Variants in NUP35 observed in about 807,000 individuals in gnomAD.
NUP35 encodes nucleoporin NUP35.
A neutral mutation model predicts 41.5 loss-of-function variants in NUP35; 25 were observed. That is an observed-to-expected ratio of 0.60 (90% confidence interval 0.44 to 0.84). The LOEUF (loss-of-function observed/expected upper bound fraction) is 0.84, where lower values mean the gene tolerates loss of function less well. Ranked by LOEUF, NUP35 falls within the 40% of genes least tolerant of loss-of-function variation. NUP35 has a pLI of 0.00. For synonymous variants in NUP35, 149 were observed against 130.7 expected, an observed-to-expected ratio of 1.14 and a Z score of -0.96; for missense variants, 396 against 396.6, an observed-to-expected ratio of 1.00 and a Z score of 0.01.
At chr2:183,138,269 A>ATATATATATATATATTTTTTT in intron 4 of NUP35, among the ~76,000 whole-genome samples, 1 of 80,690 alleles carries the variant, frequency 1.2e-5, no homozygotes, top group African/African-American at 6.2e-5. Flanking sequence ...ATATATATAT[A>ATATATATATATATATTTTTTT]TTTTTTTTTT....
intron 8 of NUP35, 114 bp downstream of exon 8, chr2:183,159,766 T>TA: frequency 1.3e-6 from 1 of 771,988 alleles, no homozygotes; most frequent in Non-Finnish European, 2.0e-6. Flanking sequence ...TGGAGGCTAT[T>TA]ACCTTGATGA....
Position 183,159,538 on chromosome 2 carries a change from C to G in NUP35, c.789C>G (p.Ala263=). The change falls in exon 8 of 9, where the codon GCC becomes GCG. Residue 263 remains alanine (A), a synonymous_variant. Coordinates refer to ENST00000295119, the MANE Select transcript of NUP35 (RefSeq NM_138285.5). ...DRCALSSPSL[A]FTPPIKTLGT... is the part of the protein sequence containing the mutation. The stretch of plus-strand genomic sequence containing the variant: ...GTGCTTTATCATCTCCATCTTTAGC[C>G]TTTACACCACCAATCAAAACTCTAG... 6.2e-7 allele frequency: 1 copy of G among 1,613,704 alleles called. No individual in the cohort carries two copies. The highest frequency in any genetic ancestry group is 8.5e-7 in the Non-Finnish European group (1 of 1,179,796).
intron 3 of NUP35, among the ~76,000 whole-genome samples, chr2:183,131,986 C>T (rs1282079296): frequency 3.3e-5 from 5 of 151,828 alleles, no homozygotes; most frequent in East Asian, 1.9e-4. Context: ...TTTGGGAGGC[C>T]GAGGTGGGCG....
At chr2:183,160,683 A>T (rs183021286) in intron 8 of NUP35, 75 of 153,814 alleles carry the variant, frequency 4.9e-4, no homozygotes, top group Non-Finnish European at 9.0e-4. Context: ...CCAGCTATTC[A>T]ATTTTCTAAT....
In NUP35 at chr2:183,158,363, G is replaced by T; in HGVS notation, c.690G>T (p.Arg230Ser). 6.2e-7 allele frequency: 1 copy of T among 1,608,954 alleles called. No homozygotes were observed. The change falls in exon 7 of 9, where the codon AGG (arginine) becomes AGT (serine). Residue 230 changes from arginine to serine, a missense_variant. By Grantham distance (110) the Arg-to-Ser change is moderately radical. Transcript: ENST00000295119. ...QARKALSKDG[R>S]IFGESIMIGV... The stretch of plus-strand genomic sequence containing the variant: ...GGAAAGCCTTAAGCAAAGATGGGAG[G>T]ATTTTTGGAGAATCCATCATGATTG...
In NUP35 at chr2:183,134,654, C is replaced by T. The variant is rs141659065; in HGVS notation, c.397+1031C>T. Among the ~76,000 whole-genome samples, 24 of 151,296 alleles carry T rather than the reference C, an allele frequency of 1.6e-4. No individual in the cohort carries two copies. In the East Asian group the frequency reaches 2.9e-3, roughly 18 times the overall value. On this transcript the variant is annotated intron_variant, in intron 4 of 8. Coordinates refer to ENST00000295119, the MANE Select transcript of NUP35 (RefSeq NM_138285.5). ...TTTTTGAGATGGAGTCTTGGTCTGT[C>T]GCCCAGGTTAGAGTGCAGTGGCACC...
chr2:183,125,518 CT>C (rs1684434097), intron 1 of NUP35, among the ~76,000 whole-genome samples: 1 of 152,186 alleles, frequency 6.6e-6, no homozygotes, highest in African/African-American at 2.4e-5. Flanking sequence ...ACTTGAACTA[CT>C]TTAGTCTGTC....
upstream of NUP35, among the ~76,000 whole-genome samples, chr2:183,122,702 C>T (rs1420933553): frequency 6.6e-6 from 1 of 151,990 alleles, no homozygotes; most frequent in African/African-American, 2.4e-5. Context: ...AAGTGATCAA[C>T]CCCTCAGCCT....
At chr2:183,117,586 A>C (rs565054203) in exon 1 of NUP35, 2 of 152,306 alleles carry the variant, frequency 1.3e-5, no homozygotes, top group East Asian at 3.9e-4. Context: ...TCTCTTTCTG[A>C]AGATGACAAA....
intron 4 of NUP35, among the ~76,000 whole-genome samples, chr2:183,143,610 C>T (rs916400157): frequency 6.6e-6 from 1 of 152,156 alleles, no homozygotes; most frequent in Non-Finnish European, 1.5e-5. Context: ...GGTTCCTTTT[C>T]TCCAGAGACA....
chr2:183,148,986 T>C (rs899404891), intron 4 of NUP35, among the ~76,000 whole-genome samples: 1 of 152,194 alleles, frequency 6.6e-6, no homozygotes, highest in African/African-American at 2.4e-5. Context: ...CTATAGATAA[T>C]CTTTTTTGTT....
At chr2:183,132,312 G>A (rs1363694637) in intron 3 of NUP35, among the ~76,000 whole-genome samples, 1 of 152,010 alleles carries the variant, frequency 6.6e-6, no homozygotes. Context: ...GTGACCCACT[G>A]TGCTGGGCTT....
At chr2:183,130,738 A>G (rs552018394) in intron 3 of NUP35, among the ~76,000 whole-genome samples, 193 bp downstream of exon 3, 1 of 147,328 alleles carries the variant, frequency 6.8e-6, no homozygotes, top group East Asian at 2.0e-4. Context: ...ACAGTGTAGA[A>G]CTCTAGATTT....
intron 6 of NUP35, 92 bp from the exon 7 acceptor site, chr2:183,158,190 AT>A: frequency 1.0e-6 from 1 of 996,852 alleles, no homozygotes; most frequent in African/African-American, 1.7e-5. Context: ...ATGGAAGTAA[AT>A]TTATCTTACC....
intron 5 of NUP35, 45 bp from the exon 6 acceptor site, chr2:183,157,399 T>C (rs376109602): frequency 2.2e-6 from 3 of 1,348,582 alleles, no homozygotes; most frequent in Non-Finnish European, 3.2e-6. Context: ...GCATTCACAT[T>C]GATAGTAGAA....
chr2:183,150,464 T>C (rs925733187), intron 4 of NUP35, among the ~76,000 whole-genome samples: 2 of 152,200 alleles, frequency 1.3e-5, no homozygotes, highest in African/African-American at 4.8e-5. Context: ...TTTGTTTTAT[T>C]ATTTTCTCCA....
At chr2:183,123,312 T>C (rs1166484003), upstream of NUP35, among the ~76,000 whole-genome samples, 1 of 152,218 alleles carries the variant, frequency 6.6e-6, no homozygotes, top group Admixed American at 6.5e-5. Context: ...CTGAACTTTA[T>C]TACATCTGCA....
At chr2:183,125,898 C>T (rs1173799654) in intron 1 of NUP35, among the ~76,000 whole-genome samples, 1 of 152,194 alleles carries the variant, frequency 6.6e-6, no homozygotes, top group Non-Finnish European at 1.5e-5. Flanking sequence ...GAATTGAGGA[C>T]ATGCAGCATC....
chr2:183,151,442 A>G, intron 4 of NUP35, 66 bp from the exon 5 acceptor site: 1 of 1,484,724 alleles, frequency 6.7e-7, no homozygotes, highest in Non-Finnish European at 9.2e-7. Context: ...TAAAACTAAG[A>G]TTTTTGATTT....
Sources: gnomAD v4.1 joint callset for allele counts (sites outside exome capture counted in the v4.1 genomes callset) on GRCh38, gnomAD v4.1.1 for gene constraint, MANE v1.5 for transcripts, NCBI Gene and HGNC (gene_info 2026-07-23, HGNC 2026-07-21) for gene names.